CYS1: variants seen among roughly 807,000 people sequenced by gnomAD.
CYS1 encodes the protein cystin-1.
CYS1 carries 5 observed loss-of-function variants against 9.6 expected under a neutral mutation model. The ratio of observed to expected loss-of-function variants is 0.52; its 90% CI spans 0.27 to 1.10. The LOEUF is 1.10. Ranked by LOEUF, CYS1 falls within the 50% of genes least tolerant of loss-of-function variation. The pLI, the probability that CYS1 is intolerant of heterozygous loss-of-function variation, is 0.11. For missense variants in CYS1, 221 were observed against 207.9 expected, an observed-to-expected ratio of 1.06 and a Z score of -0.39; for synonymous variants, 88 against 95.7, an observed-to-expected ratio of 0.92 and a Z score of 0.47.
chr2:10,060,526 C>T (rs552545277), intron 2 of CYS1, among the ~76,000 whole-genome samples: 8 of 152,340 alleles, frequency 5.3e-5, no homozygotes, highest in Admixed American at 2.6e-4. Flanking sequence ...GTCCCGGAGA[C>T]GTCATGCCCC....
Position 10,080,107 on chromosome 2 carries a change from C to A in CYS1, c.117G>T (p.Pro39=). The stretch of plus-strand genomic sequence containing the variant: ...CCCCCGGGACCTCGGCCGCCGCCAC[C>A]GGCACCCGCCGGCGGGTCCCGCCCT... The part of the protein sequence containing the change: ...ALEGGTRRRV[P]VAAAEVPGAA... Residue 39 remains proline (P), a synonymous_variant, in exon 1 of 3, where the codon CCG becomes CCT. Transcript: ENST00000381813. This position sits in a 1 kb window ranked among gnomAD's most constrained non-coding sequence, Gnocchi z 6.4. 4.9e-6 allele frequency: 5 copies of A among 1,026,740 alleles called. No individual in the cohort carries two copies. Among genetic ancestry groups the A allele is most frequent in the Non-Finnish European group, 5.8e-6 (5 of 858,280 alleles). 63.6% of individuals were successfully genotyped at this position (1,026,740 alleles called of 1,614,324 possible). A position where few individuals can be genotyped will look rare whatever the true frequency, so the allele number is the denominator to read the frequency against.
At chr2:10,073,024 T>C (rs964558778) in intron 1 of CYS1, among the ~76,000 whole-genome samples, 1 of 136,610 alleles carries the variant, frequency 7.3e-6, no homozygotes, top group African/African-American at 2.8e-5. Flanking sequence ...GCAGAGCAGA[T>C]GTGTGGGAGC....
At position 10,056,818 on chromosome 2, in the gene CYS1, A is replaced by T. The variant is rs1455020902; in HGVS notation, c.*2035T>A. On this transcript the variant is annotated 3_prime_UTR_variant, in exon 3 of 3. Transcript: ENST00000381813. ...TGCTTTATTTGTTCTTTTTATTATT[A>T]TTTTTAAGTTCACCTACAGCTGCAG... 1 of 152,066 alleles carries T rather than the reference A, an allele frequency of 6.6e-6. No homozygotes were observed. Among genetic ancestry groups the T allele is most frequent in the Non-Finnish European group, 1.5e-5 (1 of 68,006 alleles). 9.4% of individuals were successfully genotyped at this position (152,066 alleles called of 1,614,324 possible). A position where few individuals can be genotyped will look rare whatever the true frequency, so the allele number is the denominator to read the frequency against.
intron 2 of CYS1, among the ~76,000 whole-genome samples, chr2:10,061,653 G>T (rs577838814): frequency 1.3e-5 from 2 of 152,360 alleles, no homozygotes; most frequent in African/African-American, 4.8e-5. Context: ...AGAAAGGAGA[G>T]CAGGGACTGG....
Position 10,058,872 on chromosome 2 carries a change from T to G in CYS1, c.458A>C (p.Glu153Ala). The change falls in exon 3 of 3, where the codon GAG becomes GCG. Residue 153 changes from glutamate to alanine, a missense_variant. By Grantham distance (107) the Glu-to-Ala change is moderately radical. Coordinates refer to ENST00000381813, the MANE Select transcript of CYS1 (RefSeq NM_001037160.3). ...HSEEGLMASI[E>A]REYCR ...CTGTCCTCAGCGGCAGTACTCCCGC[T>G]CGATGCTCGCCATCAGCCCCTCTTC... is the stretch of plus-strand genomic sequence containing the variant. 2 of 1,586,504 alleles carry G rather than the reference T, an allele frequency of 1.3e-6. No homozygotes were observed. The highest frequency in any genetic ancestry group is 1.7e-6 in the Non-Finnish European group (2 of 1,167,002).
At chr2:10,072,531 T>C (rs1427076463) in intron 1 of CYS1, among the ~76,000 whole-genome samples, 3 of 152,274 alleles carry the variant, frequency 2.0e-5, no homozygotes, top group Non-Finnish European at 4.4e-5. Flanking sequence ...CAGTTATATG[T>C]GTAATTGGCA....
At position 10,063,449 on chromosome 2, in the gene CYS1, T is replaced by A. The variant is rs563065556; in HGVS notation, c.371+2455A>T. On this transcript the variant is annotated intron_variant, in intron 2 of 2. Coordinates refer to ENST00000381813, the MANE Select transcript of CYS1 (RefSeq NM_001037160.3). This position sits in a 1 kb window ranked among gnomAD's most constrained non-coding sequence, Gnocchi z 4.2. ...AAAAATTTCAAACATACTGAAAAGTTAAAATTTGTAGATTCAACAATTAAG... is the reference window on the plus strand; with the variant it reads ...AAAAATTTCAAACATACTGAAAAGTAAAAATTTGTAGATTCAACAATTAAG... Among the ~76,000 whole-genome samples the A allele has an allele frequency of 1.2e-4, 18 of 152,340 alleles. No individual in the cohort carries two copies. In the East Asian group the frequency reaches 3.1e-3, roughly 26 times the overall value.
intron 1 of CYS1, among the ~76,000 whole-genome samples, chr2:10,075,370 C>T (rs1198992381): frequency 1.3e-5 from 2 of 152,256 alleles, no homozygotes; most frequent in Non-Finnish European, 1.5e-5. Context: ...CCCTTCCCAA[C>T]ACGGTTATGA....
At position 10,058,583 on chromosome 2, in the gene CYS1, C is replaced by T. The variant is rs1661582099; in HGVS notation, c.*270G>A. ...CATTTCAGGCTCCAGAAGAACTGGG[C>T]AGGCTCCCCGCGTTGGGGAGGAGGC... On this transcript the variant is annotated 3_prime_UTR_variant, in exon 3 of 3. Transcript: ENST00000381813. 2.7e-6 allele frequency: 1 copy of T among 377,180 alleles called. No individual in the cohort carries two copies. Among genetic ancestry groups the T allele is most frequent in the Non-Finnish European group, 4.8e-6 (1 of 206,248 alleles). The allele number at this position is 377,180 out of a possible 1,614,324, so 23.4% of individuals were successfully genotyped here. A position where few individuals can be genotyped will look rare whatever the true frequency, so the allele number is the denominator to read the frequency against.
intron 1 of CYS1, among the ~76,000 whole-genome samples, chr2:10,069,589 G>A (rs964628607): frequency 6.6e-6 from 1 of 152,016 alleles, no homozygotes; most frequent in Admixed American, 6.6e-5. Flanking sequence ...GGATGGTCTC[G>A]ATCTCTTGAC....
At chr2:10,079,413 A>T (rs1313584321) in intron 1 of CYS1, among the ~76,000 whole-genome samples, 1 of 152,224 alleles carries the variant, frequency 6.6e-6, no homozygotes, top group African/African-American at 2.4e-5. Context: ...CAGGACTGTT[A>T]TTACGAGTAT....
intron 1 of CYS1, among the ~76,000 whole-genome samples, chr2:10,073,680 C>A (rs981186399): frequency 3.3e-5 from 5 of 152,202 alleles, no homozygotes; most frequent in Non-Finnish European, 5.9e-5. Flanking sequence ...ACTGCTCTGA[C>A]CCTCCTTCCC....
chr2:10,059,635 A>T (rs1661599614), intron 2 of CYS1, among the ~76,000 whole-genome samples: 1 of 152,230 alleles, frequency 6.6e-6, no homozygotes, highest in Non-Finnish European at 1.5e-5. Context: ...TGGAGGTTGC[A>T]GTGAGCCAAG....
At chr2:10,078,514 A>C (rs1245418261) in intron 1 of CYS1, among the ~76,000 whole-genome samples, 1 of 152,234 alleles carries the variant, frequency 6.6e-6, no homozygotes, top group Non-Finnish European at 1.5e-5. Context: ...CAGCTGCCCC[A>C]GCCACCAGTG....
chr2:10,065,932 C>T lies in CYS1; in HGVS notation c.343G>A (p.Gly115Ser), dbSNP rs1558358130. ...SAVCAEQSTE[G>S]HPGSGNVSEA... The stretch of plus-strand genomic sequence containing the variant: ...GAGACATTGCCGCTCCCCGGGTGGC[C>T]CTCTGTGCTCTGCTCTGCGCACACC... Residue 115 changes from glycine to serine, a missense_variant, in exon 2 of 3, where the codon GGC becomes AGC. By Grantham distance (56) the Gly-to-Ser change is moderately conservative. Transcript: ENST00000381813. 1.2e-6 allele frequency: 2 copies of T among 1,614,184 alleles called. No individual in the cohort carries two copies. The highest frequency in any genetic ancestry group is 1.1e-5 in the South Asian group (1 of 91,086).
At chr2:10,070,687 C>G (rs1312544562) in intron 1 of CYS1, among the ~76,000 whole-genome samples, 2 of 152,110 alleles carry the variant, frequency 1.3e-5, no homozygotes, top group African/African-American at 4.8e-5. Context: ...TTCTGTTGCC[C>G]AGGCTGGAGT....
At chr2:10,065,610 A>G (rs1661685291) in intron 2 of CYS1, among the ~76,000 whole-genome samples, 1 of 152,190 alleles carries the variant, frequency 6.6e-6, no homozygotes, top group Admixed American at 6.5e-5. Context: ...GCACCTGAAT[A>G]TTTTTGAATG....
intron 2 of CYS1, 134 bp downstream of exon 2, chr2:10,065,770 A>G (rs1298211947): frequency 7.2e-6 from 6 of 828,120 alleles, no homozygotes; most frequent in Non-Finnish European, 1.2e-5. Context: ...AGGGCTTTGC[A>G]TTTAGAGGGA....
chr2:10,066,082 G>T, intron 1 of CYS1, 126 bp from the exon 2 acceptor site: 1 of 1,063,132 alleles, frequency 9.4e-7, no homozygotes. Flanking sequence ...CCTCGGAGCG[G>T]AAAGGCTCTC....
Sources: gnomAD v4.1 joint callset for allele counts (sites outside exome capture counted in the v4.1 genomes callset) on GRCh38, gnomAD v4.1.1 for gene constraint, Gnocchi (gnomAD v3.1) non-coding constraint, MANE v1.5 for transcripts, NCBI Gene and HGNC (gene_info 2026-07-23, HGNC 2026-07-21) for gene names.